Variants in URI1 observed in about 807,000 individuals in gnomAD.
URI1 encodes unconventional prefoldin RPB5 interactor 1.
Under a neutral mutation model 60.2 loss-of-function variants are expected in URI1, and 39 were observed. The observed-to-expected ratio is 0.65, with a 90% CI of 0.50 to 0.85. The LOEUF (loss-of-function observed/expected upper bound fraction) is 0.85. Ranked by LOEUF, URI1 falls within the 40% of genes least tolerant of loss-of-function variation. URI1 has a pLI of 0.00. For missense variants in URI1, 691 were observed against 665.9 expected (o/e 1.04, Z -0.42); for synonymous variants, 251 against 236.8 (o/e 1.06, Z -0.55).
At chr19:30,011,323 A>G in intron 9 of URI1, 87 bp downstream of exon 9, 1 of 1,476,252 alleles carries the variant, frequency 6.8e-7, no homozygotes, top group East Asian at 2.4e-5. Context: ...GTTGACTGTA[A>G]CACAGAAGAC....
intron 8 of URI1, among the ~76,000 whole-genome samples, chr19:30,010,535 C>T (rs149695370): frequency 2.6e-4 from 40 of 152,180 alleles, no homozygotes; most frequent in African/African-American, 9.2e-4. Context: ...TAATAGTGGT[C>T]ATTATTGTGG....
intron 1 of URI1, among the ~76,000 whole-genome samples, chr19:29,924,768 G>T (rs1247651401): frequency 6.6e-6 from 1 of 152,240 alleles, no homozygotes; most frequent in Non-Finnish European, 1.5e-5. Context: ...GCTCCCTAGG[G>T]CTCCCAGGAG....
At chr19:29,957,085 C>G (rs2055258420) in intron 1 of URI1, 1 of 503,420 alleles carries the variant, frequency 2.0e-6, no homozygotes, top group Non-Finnish European at 3.6e-6. Context: ...GCTTATAATT[C>G]TTTTGGATTT....
intron 6 of URI1, 138 bp downstream of exon 6, chr19:30,005,846 G>T: frequency 1.3e-6 from 1 of 742,470 alleles, no homozygotes; most frequent in Non-Finnish European, 2.1e-6. Flanking sequence ...TCTACTCATT[G>T]ATTTTTTTTT....
chr19:29,950,433 C>T (rs2055165560), intron 1 of URI1, among the ~76,000 whole-genome samples: 1 of 152,150 alleles, frequency 6.6e-6, no homozygotes, highest in South Asian at 2.1e-4. Context: ...CAATTTTCCC[C>T]CCTTAAACTA....
chr19:29,933,427 A>G (rs971239207), intron 1 of URI1, among the ~76,000 whole-genome samples: 1 of 152,174 alleles, frequency 6.6e-6, no homozygotes, highest in Non-Finnish European at 1.5e-5. Context: ...GTATTATCCA[A>G]TTTATTTCTG....
chr19:29,934,714 TTTTA>T (rs566090077), intron 1 of URI1, among the ~76,000 whole-genome samples: 5 of 152,136 alleles, frequency 3.3e-5, no homozygotes, highest in African/African-American at 7.2e-5. Context: ...TTTTTTTTAA[TTTTA>T]TTTATTTATT....
At chr19:29,986,917 G>T (rs992915588) in intron 4 of URI1, among the ~76,000 whole-genome samples, 1 of 152,098 alleles carries the variant, frequency 6.6e-6, no homozygotes, top group African/African-American at 2.4e-5. Context: ...GTGTGAAAAG[G>T]TGCTACCTAA....
intron 8 of URI1, among the ~76,000 whole-genome samples, 172 bp downstream of exon 8, chr19:30,009,525 T>A (rs1438481646): frequency 1.3e-5 from 2 of 151,888 alleles, no homozygotes; most frequent in African/African-American, 2.4e-5. Context: ...GGAAAAAAAA[T>A]TTAGTTAGCT....
In URI1 at chr19:29,986,006, G is replaced by A. The variant is rs553191508; in HGVS notation, c.232-276G>A. Reference sequence around the variant, plus strand: ...AGTGAATGAAAAGTATAAACATGCCGAGACAGTACTACTTTCTTTAAGAGC... The same window carrying A: ...AGTGAATGAAAAGTATAAACATGCCAAGACAGTACTACTTTCTTTAAGAGC... On this transcript the variant is annotated intron_variant, in intron 3 of 10. Transcript: ENST00000392271. Among the ~76,000 whole-genome samples, 7 of 152,240 alleles carry A rather than the reference G, an allele frequency of 4.6e-5. No individual in the cohort carries two copies. The South Asian group carries it at 1.2e-3, about 27-fold the overall frequency.
At chr19:30,011,334 C>G (rs995025775) in intron 9 of URI1, 98 bp downstream of exon 9, 10 of 1,442,948 alleles carry the variant, frequency 6.9e-6, no homozygotes, top group Non-Finnish European at 8.3e-6. Context: ...CACAGAAGAC[C>G]CTCACTGAAA....
intron 4 of URI1, among the ~76,000 whole-genome samples, chr19:30,002,892 G>T (rs1365034307): frequency 6.6e-6 from 1 of 151,742 alleles, no homozygotes; most frequent in Non-Finnish European, 1.5e-5. Flanking sequence ...TTTCAGTGTG[G>T]TTTGAAATTT....
At chr19:29,976,862 GAT>G (rs1353936453) in intron 2 of URI1, among the ~76,000 whole-genome samples, 1 of 152,178 alleles carries the variant, frequency 6.6e-6, no homozygotes, top group Non-Finnish European at 1.5e-5. Flanking sequence ...TATAGAAGAA[GAT>G]ACTTTGTTCA....
chr19:29,979,843 TA>T (rs1321128039), intron 2 of URI1, among the ~76,000 whole-genome samples: 1 of 152,172 alleles, frequency 6.6e-6, no homozygotes, highest in Admixed American at 6.5e-5. Flanking sequence ...TTCAGTTACT[TA>T]TATCAATTGA....
chr19:29,927,560 C>CTTTT (rs3049080), intron 1 of URI1, among the ~76,000 whole-genome samples: 1 of 39,802 alleles, frequency 2.5e-5, no homozygotes, highest in African/African-American at 1.3e-4. Context: ...CTGCACCCGG[C>CTTTT]TTTTTTTTTT....
chr19:30,015,542 C>A lies in URI1; in HGVS notation c.*473C>A, dbSNP rs754772674. The A allele has an allele frequency of 4.6e-6, 7 of 1,534,802 alleles. No individual in the cohort carries two copies. The highest frequency in any genetic ancestry group is 1.4e-5 in the African/African-American group (1 of 73,090). On this transcript the variant is annotated 3_prime_UTR_variant, in exon 11 of 11. Coordinates refer to ENST00000392271, the MANE Select transcript of URI1 (RefSeq NM_003796.3). ...AAATCTACTTCTCTTGTAGGTTTTGCGGCTAGTTGGCTATTCAAGAAACCT... is the reference window on the plus strand; with the variant it reads ...AAATCTACTTCTCTTGTAGGTTTTGAGGCTAGTTGGCTATTCAAGAAACCT...
intron 1 of URI1, among the ~76,000 whole-genome samples, chr19:29,964,113 C>T (rs938222610): frequency 2.6e-5 from 4 of 152,056 alleles, no homozygotes; most frequent in Non-Finnish European, 4.4e-5. Context: ...CCTCAGGGCC[C>T]AACATAATTC....
At chr19:29,996,502 T>A (rs1324287936) in intron 4 of URI1, among the ~76,000 whole-genome samples, 1 of 152,078 alleles carries the variant, frequency 6.6e-6, no homozygotes, top group Non-Finnish European at 1.5e-5. Flanking sequence ...TGTGTGTGTA[T>A]TCTTTAGGGT....
At chr19:29,965,584 A>T (rs531594317) in intron 1 of URI1, among the ~76,000 whole-genome samples, 15 of 152,332 alleles carry the variant, frequency 9.8e-5, no homozygotes, top group Admixed American at 3.3e-4. Flanking sequence ...TGTTATGTTT[A>T]CTACATGGCC....
Sources: gnomAD v4.1 joint callset for allele counts (sites outside exome capture counted in the v4.1 genomes callset) on GRCh38, gnomAD v4.1.1 for gene constraint, MANE v1.5 for transcripts, NCBI Gene and HGNC (gene_info 2026-07-23, HGNC 2026-07-21) for gene names.